Variants in BCL2 observed in about 807,000 individuals in gnomAD.
BCL2 encodes apoptosis regulator Bcl-2.
A neutral mutation model predicts 14.2 loss-of-function variants in BCL2; 1 was observed. The observed-to-expected ratio is 0.07, with a 90% CI of 0.02 to 0.33. BCL2 has a LOEUF of 0.33. BCL2 is among the 10% of genes least tolerant of loss of function. BCL2 has a pLI of 0.99. For synonymous variants in BCL2, 151 were observed against 137.2 expected (o/e 1.10, Z -0.70); for missense variants, 247 against 305.9 (o/e 0.81, Z 1.44).
intron 2 of BCL2, among the ~76,000 whole-genome samples, chr18:63,211,580 A>G (rs900503547): frequency 6.6e-6 from 1 of 152,206 alleles, no homozygotes; most frequent in Non-Finnish European, 1.5e-5. Flanking sequence ...TTGGTAACTC[A>G]ACACTGTCTG....
intron 2 of BCL2, among the ~76,000 whole-genome samples, chr18:63,255,834 C>T (rs142329270): frequency 1.3e-5 from 2 of 151,836 alleles, no homozygotes; most frequent in African/African-American, 4.8e-5. Context: ...CCCTCCCCCC[C>T]CGCCACACAC....
At chr18:63,303,224 G>A (rs1280767279) in intron 2 of BCL2, among the ~76,000 whole-genome samples, 1 of 152,208 alleles carries the variant, frequency 6.6e-6, no homozygotes, top group Admixed American at 6.5e-5. Context: ...GGCACTGTGG[G>A]TTTGTTTTTC....
At chr18:63,158,978 G>T (rs1476966287) in intron 2 of BCL2, among the ~76,000 whole-genome samples, 1 of 152,204 alleles carries the variant, frequency 6.6e-6, no homozygotes, top group Non-Finnish European at 1.5e-5. Context: ...ATGCCCTAGA[G>T]AGCTGCTGAA....
chr18:63,246,162 T>A (rs577228213), intron 2 of BCL2, among the ~76,000 whole-genome samples: 18 of 152,304 alleles, frequency 1.2e-4, no homozygotes, highest in African/African-American at 4.1e-4. Context: ...ACCTAGAGGT[T>A]TAAAGAGGCA....
intron 2 of BCL2, among the ~76,000 whole-genome samples, chr18:63,202,186 G>A (rs1909713832): frequency 6.6e-6 from 1 of 152,102 alleles, no homozygotes; most frequent in African/African-American, 2.4e-5. Context: ...GTGCATGCCT[G>A]TAATCCCAGG....
rs896751010 is a variant in BCL2 at position 63,125,314 on chromosome 18, A to G, written c.*3311T>C. The G allele has an allele frequency of 1.8e-5, 4 of 226,322 alleles. No homozygotes were observed. Among genetic ancestry groups the G allele is most frequent in the African/African-American group, 8.9e-5 (4 of 44,944 alleles). 14.0% of individuals were successfully genotyped at this position (226,322 alleles called of 1,614,324 possible). A position where few individuals can be genotyped will look rare whatever the true frequency, so the allele number is the denominator to read the frequency against. ...CCTTAATTCTGTGACTTTATTCCAA[A>G]TCTTAAGCCTGCCAGAGTTTTCTGC... On this transcript the variant is annotated 3_prime_UTR_variant, in exon 3 of 3. Coordinates refer to ENST00000333681, the MANE Select transcript of BCL2 (RefSeq NM_000633.3).
chr18:63,237,800 A>T (rs1367534308), intron 2 of BCL2, among the ~76,000 whole-genome samples: 2 of 152,252 alleles, frequency 1.3e-5, no homozygotes, highest in African/African-American at 4.8e-5. Context: ...CTGGATGGAA[A>T]CAGAGAATTA....
chr18:63,156,470 G>A (rs143438790), intron 2 of BCL2, among the ~76,000 whole-genome samples: 4 of 152,244 alleles, frequency 2.6e-5, no homozygotes, highest in East Asian at 3.9e-4. Flanking sequence ...TCTCCAGGCC[G>A]TGCCAAATGT....
At chr18:63,168,439 C>A (rs1176079188) in intron 2 of BCL2, among the ~76,000 whole-genome samples, 2 of 152,158 alleles carry the variant, frequency 1.3e-5, no homozygotes, top group African/African-American at 4.8e-5. Flanking sequence ...GAACTGATCG[C>A]CCAGGCCAAA....
At chr18:63,170,129 A>G (rs1053070437) in intron 2 of BCL2, among the ~76,000 whole-genome samples, 1 of 152,066 alleles carries the variant, frequency 6.6e-6, no homozygotes, top group Admixed American at 6.5e-5. Flanking sequence ...TCTGTGCCTC[A>G]GTTTTTTTCA....
intron 2 of BCL2, among the ~76,000 whole-genome samples, chr18:63,155,278 C>CCA (rs1460747016): frequency 6.6e-6 from 1 of 152,130 alleles, no homozygotes; most frequent in East Asian, 1.9e-4. Flanking sequence ...GACAGCAGGG[C>CCA]CACAGCACGT....
chr18:63,165,804 G>T (rs145577472), intron 2 of BCL2, among the ~76,000 whole-genome samples: 203 of 152,248 alleles, frequency 1.3e-3, no homozygotes, highest in African/African-American at 4.7e-3. Flanking sequence ...AGGGGAGGGG[G>T]GTGGAATCTA....
At chr18:63,293,885 T>C (rs1283008671) in intron 2 of BCL2, among the ~76,000 whole-genome samples, 1 of 152,162 alleles carries the variant, frequency 6.6e-6, no homozygotes, top group Non-Finnish European at 1.5e-5. Flanking sequence ...GTACCTCTCA[T>C]GCAACAGTTC....
At chr18:63,252,985 G>A (rs1434807032) in intron 2 of BCL2, among the ~76,000 whole-genome samples, 1 of 152,190 alleles carries the variant, frequency 6.6e-6, no homozygotes, top group African/African-American at 2.4e-5. Flanking sequence ...TTTTTAAAAA[G>A]TGAATGCACA....
At chr18:63,132,681 C>G (rs1183999607) in intron 2 of BCL2, among the ~76,000 whole-genome samples, 3 of 152,190 alleles carry the variant, frequency 2.0e-5, no homozygotes, top group Non-Finnish European at 4.4e-5. Context: ...GGCTTCGGGA[C>G]TAAAATGACC....
chr18:63,264,391 G>A (rs1395141421), intron 2 of BCL2, among the ~76,000 whole-genome samples: 4 of 151,954 alleles, frequency 2.6e-5, no homozygotes, highest in African/African-American at 4.8e-5. Flanking sequence ...TTTAATTAAC[G>A]GCCAGAGAGT....
intron 2 of BCL2, among the ~76,000 whole-genome samples, chr18:63,177,654 T>A (rs1915380270): frequency 6.6e-6 from 1 of 152,248 alleles, no homozygotes; most frequent in Non-Finnish European, 1.5e-5. Context: ...GTGTGATAGA[T>A]CAGTATTTGT....
chr18:63,284,820 T>C (rs1912421788), intron 2 of BCL2, among the ~76,000 whole-genome samples: 2 of 114,482 alleles, frequency 1.7e-5, no homozygotes, highest in South Asian at 6.5e-4. Flanking sequence ...GAGGAACCAC[T>C]GGTTTTTATT....
intron 2 of BCL2, among the ~76,000 whole-genome samples, chr18:63,218,711 A>C (rs1599252229): frequency 2.9e-3 from 10 of 3,394 alleles, no homozygotes; most frequent in Admixed American, 3.9e-3. Flanking sequence ...ACTCATCCCC[A>C]TCCTCCACTC....
Sources: allele counts gnomAD v4.1 joint callset (sites outside exome capture counted in the v4.1 genomes callset), GRCh38; gene constraint gnomAD v4.1.1; transcripts MANE v1.5; gene names NCBI Gene and HGNC (gene_info 2026-07-23, HGNC 2026-07-21).